Variants in C12orf56 observed in about 807,000 individuals in gnomAD.
C12orf56 encodes uncharacterized protein C12orf56.
Under a neutral mutation model 69.9 loss-of-function variants are expected in C12orf56, and 71 were observed. The observed-to-expected ratio is 1.02, with a 90% CI of 0.84 to 1.24. C12orf56 has a LOEUF of 1.24. C12orf56 is among the 50% of genes most tolerant of loss of function. C12orf56 has a pLI of 0.00. For missense variants in C12orf56, 732 were observed against 738.5 expected, an observed-to-expected ratio of 0.99 and a Z score of 0.10; for synonymous variants, 276 against 274.1, an observed-to-expected ratio of 1.01 and a Z score of -0.07.
At chr12:64,363,685 G>A (rs972139666) in intron 1 of C12orf56, among the ~76,000 whole-genome samples, 1 of 152,118 alleles carries the variant, frequency 6.6e-6, no homozygotes, top group Admixed American at 6.6e-5. Context: ...TGCGGAAAAA[G>A]GTGCTTGAAT....
At chr12:64,385,149 C>A (rs867087223) in intron 1 of C12orf56, among the ~76,000 whole-genome samples, 1 of 151,786 alleles carries the variant, frequency 6.6e-6, no homozygotes, top group African/African-American at 2.4e-5. Context: ...TCAAAAGTAA[C>A]TTTTAAGGAA....
At chr12:64,327,416 T>C (rs1490153512) in intron 3 of C12orf56, among the ~76,000 whole-genome samples, 6 of 152,218 alleles carry the variant, frequency 3.9e-5, no homozygotes, top group Non-Finnish European at 8.8e-5. Context: ...CATATTTACC[T>C]ATGTAACAAA....
intron 6 of C12orf56, among the ~76,000 whole-genome samples, chr12:64,297,044 C>T (rs886859671): frequency 4.6e-5 from 7 of 152,116 alleles, no homozygotes; most frequent in Admixed American, 1.3e-4. Context: ...GTTATAGCAA[C>T]ACAAAACAGA....
At chr12:64,376,656 A>G (rs2039645582) in intron 1 of C12orf56, among the ~76,000 whole-genome samples, 1 of 130,200 alleles carries the variant, frequency 7.7e-6, no homozygotes, top group Non-Finnish European at 1.5e-5. Context: ...ATTCCCCACT[A>G]TGTGTCCATG....
At chr12:64,286,723 T>A (rs891499614) in intron 6 of C12orf56, among the ~76,000 whole-genome samples, 1 of 152,214 alleles carries the variant, frequency 6.6e-6, no homozygotes, top group African/African-American at 2.4e-5. Flanking sequence ...ATGTAATTGC[T>A]TTTCTTTTCT....
chr12:64,267,595 G>T (rs1347045494), intron 12 of C12orf56: 5 of 286,088 alleles, frequency 1.7e-5, no homozygotes, highest in Non-Finnish European at 3.2e-5. Flanking sequence ...GCAGTGAGGT[G>T]TTGAAATGAA....
rs1275287432 is a variant in C12orf56, at chr12:64,365,851, TATTATATATAGTGTATATATTATAC to T, written c.253-12820_253-12796del. Among the ~76,000 whole-genome samples, 372 of 138,628 alleles carry T rather than the reference TATTATATATAGTGTATATATTATAC, an allele frequency of 2.7e-3. 3 individuals are homozygous for T. The highest frequency in any genetic ancestry group is 0.027 in the South Asian group (123 of 4,638). The allele number at this position is 138,628 out of a possible 152,430, so 90.9% of individuals were successfully genotyped here. The stretch of plus-strand genomic sequence containing the variant: ...TGTATAATATATAGTGTATATATTG[TATTATATATAGTGTATATATTATAC>T]ATTATATATAGTGTATATATTATAC... On this transcript the variant is annotated intron_variant, in intron 1 of 12. Transcript: ENST00000543942.
chr12:64,303,643 A>G lies in C12orf56; in HGVS notation c.1105T>C (p.Phe369Leu). 6.4e-7 allele frequency: 1 copy of G among 1,550,654 alleles called. No homozygotes were observed. The highest frequency in any genetic ancestry group is 8.7e-7 in the Non-Finnish European group (1 of 1,151,534). The change falls in exon 6 of 13, where the codon TTC becomes CTC. Residue 369 changes from phenylalanine to leucine, a missense_variant. By Grantham distance (22) the Phe-to-Leu change is conservative (BLOSUM62 0). Coordinates refer to ENST00000543942, the MANE Select transcript of C12orf56 (RefSeq NM_001170633.2). ...TAAAACAAAACACTTACCTTCCAGA[A>G]AAGCCTTTTCAGAATGAAGTTTTTC... ...AQKNFILKRL[F>L]WKTSDLFYFI...
chr12:64,312,799 G>A lies in C12orf56; in HGVS notation c.895-47C>T, dbSNP rs1441074590. On this transcript the variant is annotated intron_variant, in intron 4 of 12. Transcript: ENST00000543942. ...ATTGTTAGAATTTTTATTTACTGAAGATCAATTCCCCCTACCTTTAGTCAA... is the reference window on the plus strand; with the variant it reads ...ATTGTTAGAATTTTTATTTACTGAAAATCAATTCCCCCTACCTTTAGTCAA... The A allele has an allele frequency of 2.9e-5, 38 of 1,323,872 alleles. No individual in the cohort carries two copies. The East Asian group carries it at 9.3e-4, about 32-fold the overall frequency. The allele number at this position is 1,323,872 out of a possible 1,614,324, so 82.0% of individuals were successfully genotyped here. A position where few individuals can be genotyped will look rare whatever the true frequency, so the allele number is the denominator to read the frequency against.
chr12:64,338,197 T>C, intron 2 of C12orf56: 1 of 583,284 alleles, frequency 1.7e-6, no homozygotes, highest in South Asian at 1.4e-5. Flanking sequence ...CCTGTTGGCA[T>C]TTGCCCTGAA....
chr12:64,388,454 C>G (rs1183934431), intron 1 of C12orf56, among the ~76,000 whole-genome samples: 1 of 151,836 alleles, frequency 6.6e-6, no homozygotes, highest in Non-Finnish European at 1.5e-5. Context: ...GCTAGGTTAC[C>G]TAAGTCTCCA....
intron 11 of C12orf56, among the ~76,000 whole-genome samples, chr12:64,274,456 TG>T (rs1010506591): frequency 2.6e-5 from 4 of 152,164 alleles, no homozygotes; most frequent in African/African-American, 7.2e-5. Context: ...GCCTGTAATC[TG>T]GTGGGAAGAC....
chr12:64,379,850 G>C (rs1478767061), intron 1 of C12orf56, among the ~76,000 whole-genome samples: 3 of 149,472 alleles, frequency 2.0e-5, no homozygotes, highest in Non-Finnish European at 4.4e-5. Flanking sequence ...TTGGGAGGCC[G>C]AGGTGGGCGG....
chr12:64,338,819 G>A lies in C12orf56; in HGVS notation c.416-7787C>T, dbSNP rs946104919. 3.8e-6 allele frequency: 4 copies of A among 1,056,940 alleles called. No homozygotes were observed. The South Asian group carries it at 3.9e-5, about 10-fold the overall frequency. The allele number at this position is 1,056,940 out of a possible 1,614,324, so 65.5% of individuals were successfully genotyped here. On this transcript the variant is annotated intron_variant, in intron 2 of 12. Coordinates refer to ENST00000543942, the MANE Select transcript of C12orf56 (RefSeq NM_001170633.2). ...GGTGAGAGCAAAGCTAGGCCGGTGA[G>A]CAGCAGGCTCGAGTTTAGGTTTGAA...
At chr12:64,326,939 G>T (rs2038852978) in intron 3 of C12orf56, among the ~76,000 whole-genome samples, 1 of 152,154 alleles carries the variant, frequency 6.6e-6, no homozygotes, top group Non-Finnish European at 1.5e-5. Flanking sequence ...GGGTAGTGAG[G>T]GCTCTGCCCT....
intron 6 of C12orf56, among the ~76,000 whole-genome samples, chr12:64,297,372 G>A (rs2136791319): frequency 6.8e-6 from 1 of 148,032 alleles, no homozygotes; most frequent in Non-Finnish European, 1.5e-5. Flanking sequence ...CACAAATAGA[G>A]AGACTACCCA....
intron 4 of C12orf56, 113 bp from the exon 5 acceptor site, chr12:64,312,865 T>C (rs2136825566): frequency 1.4e-6 from 1 of 707,434 alleles, no homozygotes; most frequent in East Asian, 2.8e-5. Context: ...TAGTACACGA[T>C]TTGTTTATAA....
chr12:64,308,940 G>GAAAGAAAGAAAGAAAGAAAA (rs35488127), intron 5 of C12orf56, among the ~76,000 whole-genome samples: 5 of 80,828 alleles, frequency 6.2e-5, no homozygotes, highest in African/African-American at 1.8e-4. Context: ...AAGAAAGAAA[G>GAAAGAAAGAAAGAAAGAAAA]AAGAAAGAAA....
intron 1 of C12orf56, among the ~76,000 whole-genome samples, chr12:64,375,705 A>C (rs1234687820): frequency 1.3e-5 from 2 of 152,256 alleles, no homozygotes; most frequent in Non-Finnish European, 2.9e-5. Flanking sequence ...GTCATTCAGC[A>C]TCTGAAGCAA....
Sources: allele counts gnomAD v4.1 joint callset (sites outside exome capture counted in the v4.1 genomes callset), GRCh38; gene constraint gnomAD v4.1.1; transcripts MANE v1.5; gene names NCBI Gene and HGNC (gene_info 2026-07-23, HGNC 2026-07-21).